WDPCP: variants seen among roughly 807,000 people sequenced by gnomAD.
WDPCP encodes WD repeat containing planar cell polarity effector.
In WDPCP, 71 loss-of-function variants were observed where a neutral mutation model predicts 93.1. The ratio of observed to expected loss-of-function variants is 0.76; its 90% CI spans 0.63 to 0.93. The LOEUF is 0.93. Ranked by LOEUF, WDPCP falls within the 40% of genes least tolerant of loss-of-function variation. WDPCP has a pLI of 0.00. For missense variants in WDPCP, 844 were observed against 887.4 expected (o/e 0.95, Z 0.62); for synonymous variants, 315 against 315.0 (o/e 1.00, Z 0.00).
chr2:63,550,522 T>A (rs2106353002), intron 1 of WDPCP, among the ~76,000 whole-genome samples: 1 of 152,136 alleles, frequency 6.6e-6, no homozygotes, highest in African/African-American at 2.4e-5. Flanking sequence ...TTACTTCCTA[T>A]CTTTCTGACC....
intron 15 of WDPCP, among the ~76,000 whole-genome samples, chr2:63,170,515 C>T (rs1046453880): frequency 1.3e-5 from 2 of 151,964 alleles, no homozygotes; most frequent in Non-Finnish European, 2.9e-5. Context: ...TCAGGTGATC[C>T]GCCTCAGCCT....
intron 14 of WDPCP, among the ~76,000 whole-genome samples, chr2:63,191,101 G>A (rs892290667): frequency 6.6e-6 from 1 of 152,166 alleles, no homozygotes; most frequent in Non-Finnish European, 1.5e-5. Context: ...TTAAAAATTG[G>A]GACATTTAGG....
At chr2:63,675,976 G>A (rs1009098245) in intron 2 of WDPCP, among the ~76,000 whole-genome samples, 7 of 152,082 alleles carry the variant, frequency 4.6e-5, no homozygotes, top group African/African-American at 1.4e-4. Flanking sequence ...CATAGTTTAC[G>A]ATTACTTTCC....
At chr2:63,146,370 G>A (rs1287754908) in intron 17 of WDPCP, among the ~76,000 whole-genome samples, 1 of 151,026 alleles carries the variant, frequency 6.6e-6, no homozygotes, top group African/African-American at 2.4e-5. Context: ...ATTATTTTGA[G>A]GTATGTTCCT....
chr2:63,567,792 G>A lies in WDPCP; in HGVS notation c.75+20405C>T, dbSNP rs1392641624. On this transcript the variant is annotated intron_variant, in intron 1 of 17. Transcript: ENST00000272321. Reference sequence around the variant, plus strand: ...TGTTAGACTCTGATGTTTCTTAAGGGCAGAAACCATGTCAATTTAGTTGAC... The same window carrying A: ...TGTTAGACTCTGATGTTTCTTAAGGACAGAAACCATGTCAATTTAGTTGAC... Among the ~76,000 whole-genome samples the A allele has an allele frequency of 2.6e-5, 4 of 152,148 alleles. No homozygotes were observed. In the East Asian group the frequency reaches 7.7e-4, roughly 29 times the overall value.
intron 6 of WDPCP, among the ~76,000 whole-genome samples, chr2:63,484,250 CAA>C (rs1700435943): frequency 6.6e-6 from 1 of 151,844 alleles, no homozygotes; most frequent in Admixed American, 6.6e-5. Flanking sequence ...AGTAGTATGC[CAA>C]AAAGTCTTTT....
At chr2:63,420,361 T>TAAAAAA (rs60889615) in intron 9 of WDPCP, among the ~76,000 whole-genome samples, 11 of 120,530 alleles carry the variant, frequency 9.1e-5, no homozygotes, top group East Asian at 2.2e-4. Flanking sequence ...CATCTTTACT[T>TAAAAAA]AAAAAAAAAA....
intron 3 of WDPCP, chr2:63,643,707 A>G (rs990028463): frequency 6.0e-6 from 3 of 499,888 alleles, no homozygotes; most frequent in African/African-American, 3.9e-5. Context: ...CAGATGTAAT[A>G]TGATGAACAG....
chr2:63,155,148 A>AT (rs1272097061), intron 15 of WDPCP, among the ~76,000 whole-genome samples: 9 of 152,160 alleles, frequency 5.9e-5, no homozygotes, highest in Non-Finnish European at 1.2e-4. Context: ...GAAGTTACCA[A>AT]TTTTTTTAAA....
At chr2:63,774,089 C>T (rs1268458973) in intron 2 of WDPCP, among the ~76,000 whole-genome samples, 1 of 152,080 alleles carries the variant, frequency 6.6e-6, no homozygotes, top group African/African-American at 2.4e-5. Context: ...GAAAAATATG[C>T]CATGGCTATA....
chr2:63,820,413 C>T (rs1271008395), intron 1 of WDPCP, among the ~76,000 whole-genome samples: 1 of 152,132 alleles, frequency 6.6e-6, no homozygotes, highest in Middle Eastern at 3.4e-3. Flanking sequence ...GTGATGCAAC[C>T]CAGTTTGAGA....
chr2:63,276,012 G>A (rs1470551605), intron 13 of WDPCP, among the ~76,000 whole-genome samples: 1 of 152,126 alleles, frequency 6.6e-6, no homozygotes, highest in African/African-American at 2.4e-5. Context: ...AACTGTGCGG[G>A]TATCCATGGC....
intron 14 of WDPCP, among the ~76,000 whole-genome samples, chr2:63,221,720 G>A (rs1677851042): frequency 6.6e-6 from 1 of 152,020 alleles, no homozygotes; most frequent in African/African-American, 2.4e-5. Flanking sequence ...TTATCTTCAG[G>A]GGCTTGACTC....
intron 13 of WDPCP, among the ~76,000 whole-genome samples, chr2:63,261,357 A>G (rs1681617114): frequency 6.6e-6 from 1 of 152,152 alleles, no homozygotes; most frequent in East Asian, 1.9e-4. Flanking sequence ...AGTGATTTGC[A>G]ATGTAATGAC....
intron 1 of WDPCP, among the ~76,000 whole-genome samples, chr2:63,531,111 GAA>G (rs1558764239): frequency 6.6e-6 from 1 of 152,212 alleles, no homozygotes. Flanking sequence ...GTCCAAGATC[GAA>G]CTGTGAGGCA....
At chr2:63,544,350 A>C (rs922231727) in intron 1 of WDPCP, among the ~76,000 whole-genome samples, 2 of 152,160 alleles carry the variant, frequency 1.3e-5, no homozygotes, top group African/African-American at 2.4e-5. Flanking sequence ...TTCAACTTAT[A>C]AAGTTTAACT....
At chr2:63,257,897 A>C (rs1283743747) in intron 14 of WDPCP, among the ~76,000 whole-genome samples, 1 of 152,190 alleles carries the variant, frequency 6.6e-6, no homozygotes, top group Non-Finnish European at 1.5e-5. Context: ...AGGACAACTA[A>C]GGAAAATTCC....
At chr2:63,149,360 A>C (rs550221350) in intron 17 of WDPCP, among the ~76,000 whole-genome samples, 3 of 152,308 alleles carry the variant, frequency 2.0e-5, no homozygotes, top group African/African-American at 7.2e-5. Context: ...TAAAAACCTG[A>C]GTGTTTAAGT....
chr2:63,644,312 T>G (rs184751871), intron 3 of WDPCP, among the ~76,000 whole-genome samples: 5,995 of 145,282 alleles, frequency 0.041, 165 homozygotes, highest in Middle Eastern at 0.06. Flanking sequence ...TGGCGCAATC[T>G]CAGCTCATTG....
Sources: gnomAD v4.1 joint callset for allele counts (sites outside exome capture counted in the v4.1 genomes callset) on GRCh38, gnomAD v4.1.1 for gene constraint, MANE v1.5 for transcripts, NCBI Gene and HGNC (gene_info 2026-07-23, HGNC 2026-07-21) for gene names.